The following MLYCD variants were observed in gnomAD, a reference collection of about 807,000 sequenced individuals.
The protein encoded by MLYCD is malonyl-CoA decarboxylase, mitochondrial.
MLYCD carries 27 observed loss-of-function variants against 35.8 expected under a neutral mutation model. That is an observed-to-expected ratio of 0.75 (90% confidence interval 0.56 to 1.04). MLYCD has a LOEUF of 1.04. Among genes scored for constraint, MLYCD ranks in the 50% least tolerant of loss-of-function variants. The pLI is 0.00. For synonymous variants in MLYCD, 403 were observed against 302.4 expected (o/e 1.33, Z -3.45); for missense variants, 917 against 665.1 (o/e 1.38, Z -4.17).
rs750693017 is a variant in MLYCD, at chr16:83,908,119, G to A, written c.642-7G>A. The A allele has an allele frequency of 1.9e-5, 30 of 1,614,028 alleles. No individual in the cohort carries two copies. Among genetic ancestry groups the A allele is most frequent in the Admixed American group, 3.3e-5 (2 of 60,000 alleles). ...TTTGTCTTGTCTCTTTATAAATTCC[G>A]CCCCAGGGCTGAGGCTGTGCATCCT... On this transcript the variant is annotated splice_polypyrimidine_tract_variant and splice_region_variant and intron_variant, in intron 2 of 4. Transcript: ENST00000262430.
intron 1 of MLYCD, among the ~76,000 whole-genome samples, chr16:83,903,071 T>C (rs573258060): frequency 2.0e-5 from 3 of 152,222 alleles, no homozygotes; most frequent in Admixed American, 2.0e-4. Flanking sequence ...GAATCCCCAG[T>C]AGAGGGGAAG....
chr16:83,906,345 C>A (rs1422733230), intron 1 of MLYCD, among the ~76,000 whole-genome samples: 3 of 152,170 alleles, frequency 2.0e-5, no homozygotes, highest in Non-Finnish European at 4.4e-5. Flanking sequence ...GAGCCGTGTT[C>A]ATGCTGTTGC....
At position 83,918,061 on chromosome 16, in the gene MLYCD, C is replaced by T. The variant is rs914121554; in HGVS notation, c.*2572C>T. 3 of 152,234 alleles carry T rather than the reference C, an allele frequency of 2.0e-5. No individual in the cohort carries two copies. The highest frequency in any genetic ancestry group is 4.4e-5 in the Non-Finnish European group (3 of 68,040). 9.4% of individuals were successfully genotyped at this position (152,234 alleles called of 1,614,324 possible). On this transcript the variant is annotated 3_prime_UTR_variant, in exon 5 of 5. Coordinates refer to ENST00000262430, the MANE Select transcript of MLYCD (RefSeq NM_012213.3). The stretch of plus-strand genomic sequence containing the variant: ...GAACTAGCACGCCTGAGGTAGGTCT[C>T]GGAATAGTGTTCAAATCCATTTTAC...
intron 1 of MLYCD, 27 bp from the exon 2 acceptor site, chr16:83,906,960 G>A (rs772118123): frequency 8.2e-6 from 13 of 1,590,512 alleles, no homozygotes; most frequent in African/African-American, 1.3e-5. Flanking sequence ...CACATTGGAG[G>A]CCTGGGATTT....
chr16:83,919,720 CAG>C lies in MLYCD; in HGVS notation c.*4232_*4233del, dbSNP rs1338704237. On this transcript the variant is annotated 3_prime_UTR_variant, in exon 5 of 5. Transcript: ENST00000262430. The stretch of plus-strand genomic sequence containing the variant: ...AACACACGGGGCACAGGAGAACACA[CAG>C]TGCACAGAACACACAGTGCACAGAA... 4 of 136,356 alleles carry C rather than the reference CAG, an allele frequency of 2.9e-5. No individual in the cohort carries two copies. The highest frequency in any genetic ancestry group is 6.9e-5 in the Admixed American group (1 of 14,596). The allele number at this position is 136,356 out of a possible 1,614,324, so 8.4% of individuals were successfully genotyped here.
chr16:83,899,537 C>T lies in MLYCD; in HGVS notation c.393C>T (p.Tyr131=), dbSNP rs560831102. The part of the protein sequence containing the change: ...VLLQAEDRLR[Y]ALVPRYRGLF... ...TGCAGGCCGAGGACCGGCTGCGCTA[C>T]GCGCTGGTGCCGCGCTATCGCGGCC... Residue 131 remains tyrosine, a synonymous_variant, in exon 1 of 5, where the codon TAC becomes TAT. Coordinates refer to ENST00000262430, the MANE Select transcript of MLYCD (RefSeq NM_012213.3). 4.0e-4 allele frequency: 638 copies of T among 1,591,090 alleles called. 6 individuals carry two copies. The South Asian group carries it at 5.2e-3, about 13-fold the overall frequency.
chr16:83,913,701 C>CA (rs1431112370), intron 4 of MLYCD: 1 of 151,650 alleles, frequency 6.6e-6, no homozygotes, highest in Non-Finnish European at 1.5e-5. Context: ...GTAGTCCCAG[C>CA]TACTCGGGAG....
chr16:83,903,055 C>T (rs1025778183), intron 1 of MLYCD, among the ~76,000 whole-genome samples: 8 of 152,170 alleles, frequency 5.3e-5, no homozygotes, highest in Middle Eastern at 3.4e-3. Flanking sequence ...CCAGTGAAAC[C>T]GAGTCGAATC....
chr16:83,912,071 C>G (rs1279840795), intron 3 of MLYCD, 147 bp from the exon 4 acceptor site: 2 of 1,175,094 alleles, frequency 1.7e-6, no homozygotes, highest in Non-Finnish European at 1.3e-6. Context: ...CTTTTAGGCT[C>G]TGTAGCCTGA....
In MLYCD at chr16:83,919,531, AAC is replaced by A. The variant is rs879853567; in HGVS notation, c.*4048_*4049del. ...GCACAGAACACACAGGGCACAGGAGAACACACAGTGCACAGGAGAACACTGCA... is the reference window on the plus strand; with the variant it reads ...GCACAGAACACACAGGGCACAGGAGAACACAGTGCACAGGAGAACACTGCA... On this transcript the variant is annotated 3_prime_UTR_variant, in exon 5 of 5. Coordinates refer to ENST00000262430, the MANE Select transcript of MLYCD (RefSeq NM_012213.3). The A allele has an allele frequency of 1.5e-4, 23 of 150,690 alleles. No individual in the cohort carries two copies. Among genetic ancestry groups the A allele is most frequent in the South Asian group, 8.3e-4 (4 of 4,816 alleles). The allele number at this position is 150,690 out of a possible 1,614,324, so 9.3% of individuals were successfully genotyped here.
At chr16:83,902,146 T>TGC (rs1352919438) in intron 1 of MLYCD, among the ~76,000 whole-genome samples, 2 of 123,028 alleles carry the variant, frequency 1.6e-5, no homozygotes, top group African/African-American at 6.7e-5. Context: ...TGTGTGTGTG[T>TGC]GTGCGTGCGT....
At chr16:83,903,520 G>GTCCTT (rs200828032) in intron 1 of MLYCD, among the ~76,000 whole-genome samples, 1,766 of 152,282 alleles carry the variant, frequency 0.012, 21 homozygotes, top group South Asian at 0.024. Context: ...ACAAGGGAAG[G>GTCCTT]TAACTTTTCT....
At chr16:83,911,830 T>A (rs374587591) in intron 3 of MLYCD, 2 of 277,498 alleles carry the variant, frequency 7.2e-6, no homozygotes, top group African/African-American at 4.4e-5. Context: ...TAGGAGAAGC[T>A]GAAGGAACTG....
At chr16:83,911,808 A>T (rs1346339717) in intron 3 of MLYCD, 3 of 239,370 alleles carry the variant, frequency 1.3e-5, no homozygotes, top group Non-Finnish European at 2.5e-5. Flanking sequence ...GTGGTGGGAA[A>T]CGTCAGTCCT....
rs937929735 is a variant in MLYCD at position 83,918,518 on chromosome 16, A to C, written c.*3029A>C. On this transcript the variant is annotated 3_prime_UTR_variant, in exon 5 of 5. Coordinates refer to ENST00000262430, the MANE Select transcript of MLYCD (RefSeq NM_012213.3). ...ACACGCACAGTGCACAGGAGAACAC[A>C]GAGTGCACAGGAGAACACATGGTGC... 3 of 136,188 alleles carry C rather than the reference A, an allele frequency of 2.2e-5. No individual in the cohort carries two copies. Among genetic ancestry groups the C allele is most frequent in the African/African-American group, 8.2e-5 (3 of 36,674 alleles). The allele number at this position is 136,188 out of a possible 1,614,324, so 8.4% of individuals were successfully genotyped here.
At chr16:83,906,289 G>A (rs1003474855) in intron 1 of MLYCD, among the ~76,000 whole-genome samples, 2 of 152,068 alleles carry the variant, frequency 1.3e-5, no homozygotes, top group East Asian at 1.9e-4. Context: ...TACTTGGGGG[G>A]CTGAGACAGG....
At position 83,899,528 on chromosome 16, in the gene MLYCD, G is replaced by A. The variant is rs1305071282; in HGVS notation, c.384G>A (p.Arg128=). Residue 128 remains arginine (R), a synonymous_variant, in exon 1 of 5, where the codon CGG becomes CGA. Coordinates refer to ENST00000262430, the MANE Select transcript of MLYCD (RefSeq NM_012213.3). ...CGGTGCTGCTGCAGGCCGAGGACCG[G>A]CTGCGCTACGCGCTGGTGCCGCGCT... ...EAAVLLQAED[R]LRYALVPRYR... 3 of 1,590,078 alleles carry A rather than the reference G, an allele frequency of 1.9e-6. No homozygotes were observed. In the Admixed American group the frequency reaches 5.0e-5, roughly 27 times the overall value.
chr16:83,915,629 G>C lies in MLYCD; in HGVS notation c.*140G>C, dbSNP rs920443542. The C allele has an allele frequency of 5.9e-6, 9 of 1,523,094 alleles. No homozygotes were observed. The African/African-American group carries it at 1.2e-4, about 21-fold the overall frequency. The allele number at this position is 1,523,094 out of a possible 1,614,324, so 94.3% of individuals were successfully genotyped here. ...TCTTGTCCCGCAGCCGGTCCACACTGTGAGGCCAGGCCTCAACTTCCCTCA... is the reference window on the plus strand; with the variant it reads ...TCTTGTCCCGCAGCCGGTCCACACTCTGAGGCCAGGCCTCAACTTCCCTCA... On this transcript the variant is annotated 3_prime_UTR_variant, in exon 5 of 5. Coordinates refer to ENST00000262430, the MANE Select transcript of MLYCD (RefSeq NM_012213.3).
At chr16:83,904,846 C>T (rs1161377240) in intron 1 of MLYCD, among the ~76,000 whole-genome samples, 1 of 152,216 alleles carries the variant, frequency 6.6e-6, no homozygotes, top group Non-Finnish European at 1.5e-5. Context: ...AAAAGTTCCT[C>T]TTTACACTAA....
Sources: allele counts gnomAD v4.1 joint callset (sites outside exome capture counted in the v4.1 genomes callset), GRCh38; gene constraint gnomAD v4.1.1; transcripts MANE v1.5; gene names NCBI Gene and HGNC (gene_info 2026-07-23, HGNC 2026-07-21).